Variants in FKBP9 observed in about 807,000 individuals in gnomAD.
FKBP9 encodes peptidyl-prolyl cis-trans isomerase FKBP9.
FKBP9 carries 27 observed loss-of-function variants against 55.6 expected under a neutral mutation model. The observed-to-expected ratio is 0.49, with a 90% CI of 0.36 to 0.67. The LOEUF is 0.67. Ranked by LOEUF, FKBP9 falls within the 30% of genes least tolerant of loss-of-function variation. The pLI, the probability that FKBP9 is intolerant of heterozygous loss-of-function variation, is 0.00. For missense variants in FKBP9, 539 were observed against 742.8 expected, an observed-to-expected ratio of 0.73 and a Z score of 3.19; for synonymous variants, 267 against 296.5, an observed-to-expected ratio of 0.90 and a Z score of 1.02.
At chr7:32,992,743 A>G (rs1396564335) in intron 6 of FKBP9, 1 of 217,334 alleles carries the variant, frequency 4.6e-6, no homozygotes. Flanking sequence ...CCATCTATCC[A>G]TCCATCAAAG....
chr7:32,999,406 A>G (rs1311224523), intron 7 of FKBP9, among the ~76,000 whole-genome samples: 1 of 151,652 alleles, frequency 6.6e-6, no homozygotes, highest in Non-Finnish European at 1.5e-5. Flanking sequence ...CCGAAGTGAT[A>G]GAGCAAACTT....
At chr7:32,973,682 GTTTTT>G (rs745717239) in intron 1 of FKBP9, among the ~76,000 whole-genome samples, 3,375 of 64,922 alleles carry the variant, frequency 0.052, 132 homozygotes, top group East Asian at 0.26. Flanking sequence ...GTTTTTTGTT[GTTTTT>G]TTTTTTTTTT....
At chr7:32,999,452 A>C (rs569164724) in intron 7 of FKBP9, among the ~76,000 whole-genome samples, 2 of 151,140 alleles carry the variant, frequency 1.3e-5, no homozygotes, top group South Asian at 4.2e-4. Context: ...ATGGCCATCA[A>C]GGATAATTAA....
At chr7:32,974,256 T>G (rs957711768) in intron 1 of FKBP9, among the ~76,000 whole-genome samples, 3 of 152,034 alleles carry the variant, frequency 2.0e-5, no homozygotes, top group Admixed American at 6.6e-5. Context: ...TCAACTTAAC[T>G]CCTCTTGCCT....
chr7:32,965,920 C>T (rs1268514346), intron 1 of FKBP9, among the ~76,000 whole-genome samples: 2 of 142,786 alleles, frequency 1.4e-5, no homozygotes, highest in South Asian at 2.2e-4. Context: ...GGGCTGGGCG[C>T]GGTGGCTCAT....
chr7:32,986,203 T>G (rs999943521), intron 5 of FKBP9, among the ~76,000 whole-genome samples: 1 of 152,196 alleles, frequency 6.6e-6, no homozygotes, highest in East Asian at 1.9e-4. Context: ...GCCAGACCAT[T>G]GCTCTTCCCT....
At chr7:32,967,993 G>T (rs1446587460) in intron 1 of FKBP9, among the ~76,000 whole-genome samples, 3 of 152,178 alleles carry the variant, frequency 2.0e-5, no homozygotes, top group African/African-American at 7.2e-5. Flanking sequence ...GACCTCAGGT[G>T]ATCCACCCAC....
intron 1 of FKBP9, among the ~76,000 whole-genome samples, chr7:32,965,223 T>C (rs554047846): frequency 5.3e-5 from 8 of 152,158 alleles, no homozygotes; most frequent in African/African-American, 1.7e-4. Flanking sequence ...CTCTGCCTCC[T>C]GGGTTCAAGC....
At chr7:32,990,336 C>G (rs1271426143) in intron 6 of FKBP9, among the ~76,000 whole-genome samples, 1 of 152,110 alleles carries the variant, frequency 6.6e-6, no homozygotes, top group East Asian at 1.9e-4. Flanking sequence ...AAGGTGGCCC[C>G]GAGAGGCTGG....
At chr7:32,962,341 T>C (rs971096000) in intron 1 of FKBP9, among the ~76,000 whole-genome samples, 2 of 151,922 alleles carry the variant, frequency 1.3e-5, no homozygotes, top group African/African-American at 4.8e-5. Context: ...TTGCGGTGAG[T>C]CGAGATTGCA....
At chr7:32,965,615 T>C (rs1027408027) in intron 1 of FKBP9, among the ~76,000 whole-genome samples, 2 of 146,748 alleles carry the variant, frequency 1.4e-5, no homozygotes, top group Non-Finnish European at 3.0e-5. Flanking sequence ...CTGACCAACA[T>C]GGTGAAACCC....
intron 8 of FKBP9, chr7:33,001,937 C>T (rs144534842): frequency 1.1e-4 from 17 of 152,312 alleles, no homozygotes; most frequent in African/African-American, 3.4e-4. Flanking sequence ...CACATATACA[C>T]ATTTATTTAT....
chr7:32,973,682 GTTTTTTTTTTTTTTTT>G (rs745717239), intron 1 of FKBP9, among the ~76,000 whole-genome samples: 1 of 64,982 alleles, frequency 1.5e-5, no homozygotes, highest in African/African-American at 5.6e-5. Context: ...GTTTTTTGTT[GTTTTTTTTTTTTTTTT>G]TTTTTTTTTT....
intron 7 of FKBP9, among the ~76,000 whole-genome samples, chr7:32,997,323 C>T (rs1784836247): frequency 6.6e-6 from 1 of 152,182 alleles, no homozygotes; most frequent in African/African-American, 2.4e-5. Flanking sequence ...CCTCCTGCCT[C>T]AGTTTCCCAA....
chr7:32,986,841 AGGCTTTCT>A (rs1784589369), intron 5 of FKBP9, among the ~76,000 whole-genome samples: 1 of 152,204 alleles, frequency 6.6e-6, no homozygotes, highest in Non-Finnish European at 1.5e-5. Context: ...CTTTCAGGAC[AGGCTTTCT>A]GCCTCATCGG....
intron 4 of FKBP9, among the ~76,000 whole-genome samples, chr7:32,978,930 G>T (rs1784413516): frequency 6.6e-6 from 1 of 152,128 alleles, no homozygotes; most frequent in African/African-American, 2.4e-5. Context: ...CTGCAAAGTT[G>T]CTATAGAAAA....
intron 9 of FKBP9, among the ~76,000 whole-genome samples, chr7:33,004,136 C>T (rs1219862637): frequency 6.6e-6 from 1 of 152,114 alleles, no homozygotes; most frequent in East Asian, 1.9e-4. Context: ...TCCAGCTCTA[C>T]CTTGAGAGCA....
chr7:32,975,019 A>T lies in FKBP9; in HGVS notation c.368-163A>T, dbSNP rs1191298088. ...GTTTTTTCTCTTTTCTTTCAATTTCATTTGGAGGAAAGAGGGAGGAAGAAT... is the reference window on the plus strand; with the variant it reads ...GTTTTTTCTCTTTTCTTTCAATTTCTTTTGGAGGAAAGAGGGAGGAAGAAT... On this transcript the variant is annotated intron_variant, in intron 2 of 9. Coordinates refer to ENST00000242209, the MANE Select transcript of FKBP9 (RefSeq NM_007270.5). The T allele has an allele frequency of 9.4e-5, 63 of 670,806 alleles. No homozygotes were observed. The South Asian group carries it at 1.1e-3, about 11-fold the overall frequency. 41.6% of individuals were successfully genotyped at this position (670,806 alleles called of 1,614,324 possible). A position where few individuals can be genotyped will look rare whatever the true frequency, so the allele number is the denominator to read the frequency against.
intron 6 of FKBP9, among the ~76,000 whole-genome samples, chr7:32,989,818 T>G (rs545244186): frequency 1.3e-5 from 2 of 152,234 alleles, no homozygotes; most frequent in South Asian, 4.1e-4. Context: ...GTTACCTTAC[T>G]TTATTTTGTT....
Sources: gnomAD v4.1 joint callset for allele counts (sites outside exome capture counted in the v4.1 genomes callset) on GRCh38, gnomAD v4.1.1 for gene constraint, MANE v1.5 for transcripts, NCBI Gene and HGNC (gene_info 2026-07-23, HGNC 2026-07-21) for gene names.